CRMP1: variants seen among roughly 807,000 people sequenced by gnomAD.
The protein encoded by CRMP1 is collapsin response mediator protein 1.
CRMP1 carries 19 observed loss-of-function variants against 68.3 expected under a neutral mutation model. The ratio of observed to expected loss-of-function variants is 0.28; its 90% CI spans 0.19 to 0.41. The LOEUF is 0.41. Ranked by LOEUF, CRMP1 falls within the 10% of genes least tolerant of loss-of-function variation. CRMP1 has a pLI of 1.00. For synonymous variants in CRMP1, 439 were observed against 399.6 expected (o/e 1.10, Z -1.18); for missense variants, 791 against 967.4 (o/e 0.82, Z 2.42).
rs1369517156 is a variant in CRMP1 at position 5,889,963 on chromosome 4, T to G, written c.381+2626A>C. ...ATTGAGGCTTACAGAGGTAAAATGA[T>G]GTACCCCGGGTGCAAAACATATTAG... On this transcript the variant is annotated intron_variant, in intron 1 of 13. Coordinates refer to ENST00000324989, the MANE Select transcript of CRMP1 (RefSeq NM_001014809.3). The surrounding 1 kb of genome is among the most constrained non-coding windows in gnomAD (Gnocchi z 4.5). 2 of 1,291,920 alleles carry G rather than the reference T, an allele frequency of 1.5e-6. No homozygotes were observed. Among genetic ancestry groups the G allele is most frequent in the Non-Finnish European group, 2.0e-6 (2 of 1,009,528 alleles). The allele number at this position is 1,291,920 out of a possible 1,614,324, so 80.0% of individuals were successfully genotyped here. A position where few individuals can be genotyped will look rare whatever the true frequency, so the allele number is the denominator to read the frequency against.
At chr4:5,863,743 G>A (rs1414079988) in intron 2 of CRMP1, among the ~76,000 whole-genome samples, 1 of 152,070 alleles carries the variant, frequency 6.6e-6, no homozygotes, top group Non-Finnish European at 1.5e-5. Context: ...CAGCTGAACG[G>A]CTCTTAAGAA....
At position 5,834,418 on chromosome 4, in the gene CRMP1, G is replaced by A. The variant is rs1415015360; in HGVS notation, c.1623+1497C>T. 6.6e-6 allele frequency among the ~76,000 whole-genome samples: 1 copy of A among 152,204 alleles called. No homozygotes were observed. Among genetic ancestry groups the A allele is most frequent in the African/African-American group, 2.4e-5 (1 of 41,452 alleles). On this transcript the variant is annotated intron_variant, in intron 11 of 13. Coordinates refer to ENST00000324989, the MANE Select transcript of CRMP1 (RefSeq NM_001014809.3). The surrounding 1 kb of genome is among the most constrained non-coding windows in gnomAD (Gnocchi z 4.3). ...ATAAAAGCAAATTCAGCGTCCTCTT[G>A]ATACTTCTTTCACACTTGTCCTGTC...
rs575665754 is a variant in CRMP1, at chr4:5,853,380, G to T, written c.821-1911C>A. Among the ~76,000 whole-genome samples the T allele has an allele frequency of 1.3e-5, 2 of 152,270 alleles. No individual in the cohort carries two copies. Among genetic ancestry groups the T allele is most frequent in the South Asian group, 4.1e-4 (2 of 4,820 alleles). On this transcript the variant is annotated intron_variant, in intron 4 of 13. Coordinates refer to ENST00000324989, the MANE Select transcript of CRMP1 (RefSeq NM_001014809.3). The surrounding 1 kb of genome is among the most constrained non-coding windows in gnomAD (Gnocchi z 4.7). ...GATCTCGCCATTGCACTCCAGCCTG[G>T]GTGACAGAGTAAGACTCCATCAGAA...
chr4:5,828,351 C>T, intron 12 of CRMP1, 138 bp downstream of exon 12: 3 of 1,434,898 alleles, frequency 2.1e-6, no homozygotes, highest in Non-Finnish European at 2.7e-6. Flanking sequence ...AGCGTCTCAA[C>T]CCATTTAACA....
Position 5,889,845 on chromosome 4 carries a change from C to A in CRMP1, c.381+2744G>T. ...GGGCAGGAGGCCAGAGACACCTGGG[C>A]CTTAAAATAGAGGTGAGGTTTTAGC... is the stretch of plus-strand genomic sequence containing the variant. On this transcript the variant is annotated intron_variant, in intron 1 of 13. Transcript: ENST00000324989. This position sits in a 1 kb window ranked among gnomAD's most constrained non-coding sequence, Gnocchi z 4.5. 6.9e-7 allele frequency: 1 copy of A among 1,457,050 alleles called. No individual in the cohort carries two copies. The highest frequency in any genetic ancestry group is 9.0e-7 in the Non-Finnish European group (1 of 1,107,520). 90.3% of individuals were successfully genotyped at this position (1,457,050 alleles called of 1,614,324 possible). A position where few individuals can be genotyped will look rare whatever the true frequency, so the allele number is the denominator to read the frequency against.
chr4:5,892,608 A>C lies in CRMP1; in HGVS notation c.362T>G (p.Leu121Arg). The C allele has an allele frequency of 8.4e-7, 1 of 1,186,046 alleles. No homozygotes were observed. Among genetic ancestry groups the C allele is most frequent in the Non-Finnish European group, 1.0e-6 (1 of 958,524 alleles). 73.5% of individuals were successfully genotyped at this position (1,186,046 alleles called of 1,614,324 possible). ...GGGTACCTGGCCATTGTCCCGGCCG[A>C]GGGGCAGGTCGCGGGGCGCGGGGCG... The part of the protein sequence containing the change: ...IRRPAPRDLP[L>R]GRDNGQSDRL... Residue 121 changes from leucine (L) to arginine (R), a missense_variant, in exon 1 of 14, where the codon CTC becomes CGC. Physicochemically the swap from Leu to Arg is moderately radical, Grantham distance 102. Transcript: ENST00000324989. This position sits in a 1 kb window ranked among gnomAD's most constrained non-coding sequence, Gnocchi z 8.6.
chr4:5,884,654 T>C (rs543368634), intron 1 of CRMP1, among the ~76,000 whole-genome samples: 1 of 152,312 alleles, frequency 6.6e-6, no homozygotes, highest in Non-Finnish European at 1.5e-5. Flanking sequence ...CTACCTAGGC[T>C]GCCTTTCTCA....
intron 1 of CRMP1, among the ~76,000 whole-genome samples, chr4:5,875,239 G>T (rs373257298): frequency 2.6e-5 from 4 of 152,092 alleles, no homozygotes; most frequent in African/African-American, 9.7e-5. Context: ...GGAGGTTCTG[G>T]ATGACAGTGA....
rs959239582 is a variant in CRMP1, at chr4:5,890,318, G to A, written c.381+2271C>T. ...CCAAACAGATCGCTGCTCCCAAGCA[G>A]ATTTCGCCGGTACAAAGCGCCGCAG... On this transcript the variant is annotated intron_variant, in intron 1 of 13. Transcript: ENST00000324989. This position sits in a 1 kb window ranked among gnomAD's most constrained non-coding sequence, Gnocchi z 5.5. The A allele has an allele frequency of 6.6e-6, 1 of 152,448 alleles. No individual in the cohort carries two copies. Among genetic ancestry groups the A allele is most frequent in the Admixed American group, 6.5e-5 (1 of 15,296 alleles). 9.4% of individuals were successfully genotyped at this position (152,448 alleles called of 1,614,324 possible).
In CRMP1 at chr4:5,821,324, G is replaced by A. The variant is rs1340684369; in HGVS notation, c.*436C>T. 6.2e-6 allele frequency: 1 copy of A among 162,250 alleles called. No homozygotes were observed. 10.1% of individuals were successfully genotyped at this position (162,250 alleles called of 1,614,324 possible). A position where few individuals can be genotyped will look rare whatever the true frequency, so the allele number is the denominator to read the frequency against. On this transcript the variant is annotated 3_prime_UTR_variant, in exon 14 of 14. Transcript: ENST00000324989. This position sits in a 1 kb window ranked among gnomAD's most constrained non-coding sequence, Gnocchi z 4.4. The stretch of plus-strand genomic sequence containing the variant: ...CTTGAGGTCTCGGCATCGTGTCTCA[G>A]TCAGTCCTTGGCGATGTCCCCTCAG...
chr4:5,832,460 T>C (rs1202934156), intron 11 of CRMP1, among the ~76,000 whole-genome samples: 1 of 152,372 alleles, frequency 6.6e-6, no homozygotes, highest in African/African-American at 2.4e-5. Context: ...TATAGAAAAG[T>C]AGATTTAAAA....
At chr4:5,864,572 G>A (rs1195852564) in intron 2 of CRMP1, among the ~76,000 whole-genome samples, 2 of 152,096 alleles carry the variant, frequency 1.3e-5, no homozygotes, top group Non-Finnish European at 2.9e-5. Context: ...GGGCCCCAGG[G>A]CGGGGGGCCA....
At position 5,861,224 on chromosome 4, in the gene CRMP1, A is replaced by G; in HGVS notation, c.471-14T>C. 2 of 1,610,588 alleles carry G rather than the reference A, an allele frequency of 1.2e-6. No individual in the cohort carries two copies. Among genetic ancestry groups the G allele is most frequent in the Non-Finnish European group, 1.7e-6 (2 of 1,177,898 alleles). On this transcript the variant is annotated splice_polypyrimidine_tract_variant and intron_variant, in intron 2 of 13. Transcript: ENST00000324989. The surrounding 1 kb of genome is among the most constrained non-coding windows in gnomAD (Gnocchi z 6.0). The stretch of plus-strand genomic sequence containing the variant: ...TCTCCTATTTGTCTGGAGGCAAACA[A>G]CAGAGACAGCCTTGGTTCTTAAAGG...
At chr4:5,830,802 C>G (rs1403461857) in intron 11 of CRMP1, among the ~76,000 whole-genome samples, 1 of 152,200 alleles carries the variant, frequency 6.6e-6, no homozygotes, top group Non-Finnish European at 1.5e-5. Flanking sequence ...CATTTCTCAT[C>G]TGGGAACTCT....
chr4:5,854,399 GTT>G lies in CRMP1; in HGVS notation c.820+1742_820+1743del, dbSNP rs35551598. On this transcript the variant is annotated intron_variant, in intron 4 of 13. Transcript: ENST00000324989. The surrounding 1 kb of genome is among the most constrained non-coding windows in gnomAD (Gnocchi z 4.0). ...GGCGTACACCACCACTCCTGGCTATGTTTTTTTTTTTTTTTTTTTTTTTTTAA... is the reference window on the plus strand; with the variant it reads ...GGCGTACACCACCACTCCTGGCTATGTTTTTTTTTTTTTTTTTTTTTTTAA... Among the ~76,000 whole-genome samples the G allele has an allele frequency of 0.49, 35,082 of 71,012 alleles. 8,370 individuals carry two copies. The highest frequency in any genetic ancestry group is 0.7 in the East Asian group (1,514 of 2,158). 46.6% of individuals were successfully genotyped at this position (71,012 alleles called of 152,430 possible). A position where few individuals can be genotyped will look rare whatever the true frequency, so the allele number is the denominator to read the frequency against.
intron 13 of CRMP1, chr4:5,824,146 G>T: frequency 8.5e-6 from 2 of 235,680 alleles, no homozygotes; most frequent in Non-Finnish European, 1.4e-5. Flanking sequence ...ATGTTTAATT[G>T]CAATTGTGCA....
In CRMP1 at chr4:5,839,627, G is replaced by T. The variant is rs764161441; in HGVS notation, c.1205C>A (p.Thr402Asn). The change falls in exon 9 of 14, where the codon ACC becomes AAC. Residue 402 changes from threonine to asparagine, a missense_variant. By Grantham distance (65) the Thr-to-Asn change is moderately conservative (BLOSUM62 0). Around this residue, in one of 3 missense-constraint regions of CRMP1, gnomAD observed 594 missense variants for 763.6 expected, o/e 0.78. Coordinates refer to ENST00000324989, the MANE Select transcript of CRMP1 (RefSeq NM_001014809.3). ...GGCCCAGTTCTTGCTCCAGTAATGGGTGCCATCGGTCCCCAGGCTGGCGGC... is the reference window on the plus strand; with the variant it reads ...GGCCCAGTTCTTGCTCCAGTAATGGTTGCCATCGGTCCCCAGGCTGGCGGC... The part of the protein sequence containing the change: ...PIAASLGTDG[T>N]HYWSKNWAKA... The T allele has an allele frequency of 1.9e-6, 3 of 1,613,250 alleles. No homozygotes were observed. The highest frequency in any genetic ancestry group is 1.7e-5 in the Admixed American group (1 of 59,886).
Position 5,858,467 on chromosome 4 carries a change from G to C in CRMP1, c.656-2160C>G, listed in dbSNP as rs929820890. On this transcript the variant is annotated intron_variant, in intron 3 of 13. Transcript: ENST00000324989. This position sits in a 1 kb window ranked among gnomAD's most constrained non-coding sequence, Gnocchi z 5.5. ...CAACGGTTCCACAGCCAGAGGCCCAGGTCACCCGTGGCACTTCCTTTCCCT... is the reference window on the plus strand; with the variant it reads ...CAACGGTTCCACAGCCAGAGGCCCACGTCACCCGTGGCACTTCCTTTCCCT... Among the ~76,000 whole-genome samples, 3 of 152,040 alleles carry C rather than the reference G, an allele frequency of 2.0e-5. No homozygotes were observed. Among genetic ancestry groups the C allele is most frequent in the Admixed American group, 1.3e-4 (2 of 15,252 alleles).
rs568129792 is a variant in CRMP1 at position 5,838,878 on chromosome 4, G to A, written c.1310+644C>T. Among the ~76,000 whole-genome samples, 79 of 152,286 alleles carry A rather than the reference G, an allele frequency of 5.2e-4. No individual in the cohort carries two copies. The highest frequency in any genetic ancestry group is 1.8e-3 in the African/African-American group (73 of 41,570). ...TGCCCCCTCCTCCAGAAAGCCTTCT[G>A]CAAGCCTCCCGGTGGGTTCTGAGCA... On this transcript the variant is annotated intron_variant, in intron 9 of 13. Transcript: ENST00000324989. This position sits in a 1 kb window ranked among gnomAD's most constrained non-coding sequence, Gnocchi z 4.9.
Sources: allele counts gnomAD v4.1 joint callset (sites outside exome capture counted in the v4.1 genomes callset), GRCh38; gene constraint gnomAD v4.1.1; regional missense constraint gnomAD v4.1.1; non-coding constraint Gnocchi (gnomAD v3.1); transcripts MANE v1.5; gene names NCBI Gene and HGNC (gene_info 2026-07-23, HGNC 2026-07-21).